Variants in USP45 observed in about 807,000 individuals in gnomAD.
The protein encoded by USP45 is ubiquitin specific peptidase 45.
USP45 carries 89 observed loss-of-function variants against 95.8 expected under a neutral mutation model. That is an observed-to-expected ratio of 0.93 (90% CI 0.78 to 1.11). USP45 has a LOEUF of 1.11. USP45 is among the 50% of genes least tolerant of loss of function. The pLI, the probability that USP45 is intolerant of heterozygous loss-of-function variation, is 0.00. For missense variants in USP45, 898 were observed against 942.5 expected (o/e 0.95, Z 0.62); for synonymous variants, 281 against 316.2 (o/e 0.89, Z 1.18).
chr6:99,456,015 C>T (rs1784981499), intron 13 of USP45, among the ~76,000 whole-genome samples: 2 of 150,836 alleles, frequency 1.3e-5, no homozygotes, highest in Admixed American at 1.3e-4. Flanking sequence ...CACCTGTAGT[C>T]CCAGCTACTT....
chr6:99,487,702 G>A (rs1794280275), intron 7 of USP45, among the ~76,000 whole-genome samples: 1 of 151,482 alleles, frequency 6.6e-6, no homozygotes, highest in Non-Finnish European at 1.5e-5. Context: ...GGCTGAGGTA[G>A]GAGAATGGCA....
At chr6:99,512,407 A>G (rs1020147056) in intron 1 of USP45, among the ~76,000 whole-genome samples, 13 of 152,184 alleles carry the variant, frequency 8.5e-5, no homozygotes, top group Non-Finnish European at 1.9e-4. Context: ...CTCTTTCTTC[A>G]TAGTGTTATT....
At chr6:99,471,143 C>G (rs1422557875) in intron 9 of USP45, among the ~76,000 whole-genome samples, 1 of 152,134 alleles carries the variant, frequency 6.6e-6, no homozygotes, top group Non-Finnish European at 1.5e-5. Flanking sequence ...TTGATCCTAA[C>G]CGTGAATTTA....
intron 13 of USP45, chr6:99,462,065 T>C (rs1439488360): frequency 1.0e-6 from 1 of 985,276 alleles, no homozygotes; most frequent in African/African-American, 1.7e-5. Context: ...TTATTAGAAC[T>C]GTACTTTTCT....
At chr6:99,494,136 C>T (rs1795795108) in intron 5 of USP45, among the ~76,000 whole-genome samples, 1 of 152,014 alleles carries the variant, frequency 6.6e-6, no homozygotes, top group Non-Finnish European at 1.5e-5. Context: ...ACAAAGTTTC[C>T]AGGCTAGGTT....
chr6:99,479,067 G>A lies in USP45; in HGVS notation c.846-2837C>T, dbSNP rs141688272. On this transcript the variant is annotated intron_variant, in intron 8 of 17. Coordinates refer to ENST00000500704, the MANE Select transcript of USP45 (RefSeq NM_001346022.3). ...CCCAGGGATGGAGTTTAGGGGAGAG[G>A]TTCTAGAGAAAGGGATTATAAAGGG... Among the ~76,000 whole-genome samples, 342 of 151,506 alleles carry A rather than the reference G, an allele frequency of 2.3e-3. 4 individuals carry two copies. Among genetic ancestry groups the A allele is most frequent in the African/African-American group, 7.9e-3 (325 of 41,314 alleles).
intron 5 of USP45, among the ~76,000 whole-genome samples, chr6:99,502,893 T>C (rs911492205): frequency 6.6e-6 from 1 of 152,138 alleles, no homozygotes. Flanking sequence ...TCCACCATGA[T>C]TGAAAGTTTC....
At chr6:99,489,810 G>A (rs1794774583) in intron 5 of USP45, among the ~76,000 whole-genome samples, 1 of 152,094 alleles carries the variant, frequency 6.6e-6, no homozygotes. Context: ...AGCTGGGCGT[G>A]GTGGTGCGTG....
At chr6:99,483,800 T>TGCAGTCC in intron 7 of USP45, among the ~76,000 whole-genome samples, 1 of 111,780 alleles carries the variant, frequency 8.9e-6, no homozygotes, top group African/African-American at 3.7e-5. Context: ...ATTGCGCCAC[T>TGCAGTCC]GCAGTCCGCA....
At chr6:99,442,270 G>A (rs1781664631) in intron 15 of USP45, among the ~76,000 whole-genome samples, 1 of 152,194 alleles carries the variant, frequency 6.6e-6, no homozygotes, top group South Asian at 2.1e-4. Flanking sequence ...CACTGCAGAT[G>A]TACCCTTTCC....
At chr6:99,488,607 T>G in intron 6 of USP45, 74 bp downstream of exon 6, 1 of 1,444,030 alleles carries the variant, frequency 6.9e-7, no homozygotes, top group Non-Finnish European at 9.4e-7. Flanking sequence ...CATTTGACAG[T>G]CTACAGGTGA....
rs113530621 is a variant in USP45 at position 99,488,895 on chromosome 6, A to C, written c.479-75T>G. The C allele has an allele frequency of 4.9e-4, 553 of 1,123,272 alleles. 7 individuals are homozygous for C. In the African/African-American group the frequency reaches 8.1e-3, roughly 16 times the overall value. The allele number at this position is 1,123,272 out of a possible 1,614,324, so 69.6% of individuals were successfully genotyped here. ...TCACTTAACATAATTTATATACATT[A>C]TTTAAAATTAAATTTAAATAAGATT... On this transcript the variant is annotated intron_variant, in intron 5 of 17. Transcript: ENST00000500704.
intron 15 of USP45, among the ~76,000 whole-genome samples, chr6:99,440,846 A>G (rs1781385940): frequency 6.6e-6 from 1 of 152,186 alleles, no homozygotes; most frequent in Admixed American, 6.5e-5. Flanking sequence ...GGTGACCTCT[A>G]TAAGCACCCA....
intron 5 of USP45, chr6:99,501,740 G>A (rs574461298): frequency 5.7e-5 from 17 of 296,766 alleles, no homozygotes; most frequent in Admixed American, 4.0e-4. Context: ...CTTAACATAC[G>A]TTATGTATTA....
In USP45 at chr6:99,439,822, CAT is replaced by C. The variant is rs773207470; in HGVS notation, c.2105_2106del (p.His702ArgfsTer18). On this transcript the variant is annotated frameshift_variant, in exon 16 of 18. Transcript: ENST00000500704. LOFTEE classifies it high-confidence loss of function. Reference sequence around the variant, plus strand: ...AAATCGAGCATAAGTGGAAAATCTACATGTCTGTTTACTTTACGAAGACTCAA... The same window carrying C: ...AAATCGAGCATAAGTGGAAAATCTACGTCTGTTTACTTTACGAAGACTCAA... Reference protein sequence around the residue: ...AGLSLRKVNRHVDFPLMLDLA... With the variant: ...AGLSLRKVNRXVDFPLMLDLA... The C allele has an allele frequency of 1.9e-5, 30 of 1,607,770 alleles. No homozygotes were observed. The East Asian group carries it at 6.5e-4, about 35-fold the overall frequency.
chr6:99,501,232 C>A (rs541929695), intron 5 of USP45, among the ~76,000 whole-genome samples: 60 of 151,906 alleles, frequency 3.9e-4, no homozygotes, highest in African/African-American at 1.4e-3. Flanking sequence ...TCTCCCCACC[C>A]CCATGCTTAA....
At chr6:99,462,173 C>T in intron 13 of USP45, 2 of 977,230 alleles carry the variant, frequency 2.0e-6, no homozygotes, top group South Asian at 9.5e-5. Context: ...AGAATAGGTC[C>T]AATAAAAAAG....
chr6:99,479,601 C>CAAAA (rs34635892), intron 8 of USP45, among the ~76,000 whole-genome samples: 1,194 of 116,984 alleles, frequency 0.01, 24 homozygotes, highest in South Asian at 0.014. Flanking sequence ...TTCCAACAGA[C>CAAAA]AAAAAAAAAA....
At chr6:99,463,564 CA>C (rs747855566) in intron 13 of USP45, among the ~76,000 whole-genome samples, 22 of 151,950 alleles carry the variant, frequency 1.4e-4, no homozygotes, top group Non-Finnish European at 2.5e-4. Context: ...AGAGACATGG[CA>C]ATCATTGGGA....
Sources: gnomAD v4.1 joint callset for allele counts (sites outside exome capture counted in the v4.1 genomes callset) on GRCh38, gnomAD v4.1.1 for gene constraint, MANE v1.5 for transcripts, NCBI Gene and HGNC (gene_info 2026-07-23, HGNC 2026-07-21) for gene names.